The following DNAJC22 variants were observed in gnomAD, a reference collection of about 807,000 sequenced individuals.
The protein encoded by DNAJC22 is dnaJ homolog subfamily C member 22.
In DNAJC22, 24 loss-of-function variants were observed where a neutral mutation model predicts 22.2. That is an observed-to-expected ratio of 1.08 (90% confidence interval 0.78 to 1.52). DNAJC22 has a LOEUF of 1.52. Ranked by LOEUF, DNAJC22 falls within the 40% of genes most tolerant of loss-of-function variation. DNAJC22 has a pLI of 0.00. For synonymous variants in DNAJC22, 160 were observed against 167.4 expected (o/e 0.96, Z 0.34); for missense variants, 434 against 421.7 (o/e 1.03, Z -0.26).
Position 49,349,520 on chromosome 12 carries a change from C to G in DNAJC22, c.648C>G (p.Gly216=). 1 of 1,614,256 alleles carries G rather than the reference C, an allele frequency of 6.2e-7. No homozygotes were observed. The highest frequency in any genetic ancestry group is 1.1e-5 in the South Asian group (1 of 91,090). The change falls in exon 3 of 4, where the codon GGC becomes GGG. Residue 216 remains glycine, a synonymous_variant. Transcript: ENST00000549441. The stretch of plus-strand genomic sequence containing the variant: ...TCAGCTATGTGGCAGAAACCTTTGG[C>G]TCCTTCTTGAATTGGTTCAGCTTCT... ...ATLSYVAETF[G]SFLNWFSFFP...
At position 49,348,946 on chromosome 12, in the gene DNAJC22, T is replaced by C; in HGVS notation, c.74T>C (p.Leu25Pro). The C allele has an allele frequency of 6.6e-7, 1 of 1,526,504 alleles. No individual in the cohort carries two copies. The highest frequency in any genetic ancestry group is 8.8e-7 in the Non-Finnish European group (1 of 1,140,546). The allele number at this position is 1,526,504 out of a possible 1,614,324, so 94.6% of individuals were successfully genotyped here. Residue 25 changes from leucine (L) to proline (P), a missense_variant, in exon 3 of 4, where the codon CTG (leucine) becomes CCG (proline). By Grantham distance (98) the Leu-to-Pro change is moderately conservative. Coordinates refer to ENST00000549441, the MANE Select transcript of DNAJC22 (RefSeq NM_001304944.2). ...GGPAGLHHLY[L>P]GRDSHALLWM... ...CCTGCTGGGCTCCACCACCTGTACC[T>C]GGGAAGGGACAGCCACGCCCTGCTC...
rs750463544 is a variant in DNAJC22, at chr12:49,349,083, G to A, written c.211G>A (p.Gly71Arg). 5.6e-6 allele frequency: 9 copies of A among 1,614,086 alleles called. No homozygotes were observed. The highest frequency in any genetic ancestry group is 7.6e-6 in the Non-Finnish European group (9 of 1,179,996). ...CCAGGGACAGAGGCAGAGCCCCAGAGGGGTGACACCCCCTCTGAGTCCCAT... is the reference window on the plus strand; with the variant it reads ...CCAGGGACAGAGGCAGAGCCCCAGAAGGGTGACACCCCCTCTGAGTCCCAT... ...RAQGQRQSPR[G>R]VTPPLSPIRF... is the part of the protein sequence containing the mutation. Residue 71 changes from glycine to arginine, a missense_variant, in exon 3 of 4, where the codon GGG (glycine) becomes AGG (arginine). Transcript: ENST00000549441.
intron 2 of DNAJC22, among the ~76,000 whole-genome samples, 182 bp from the exon 3 acceptor site, chr12:49,348,581 TCTC>T (rs936096804): frequency 6.6e-6 from 1 of 152,042 alleles, no homozygotes; most frequent in Non-Finnish European, 1.5e-5. Context: ...TAAACAGCTT[TCTC>T]CTCTAAATCT....
intron 3 of DNAJC22, 97 bp downstream of exon 3, chr12:49,349,809 T>C (rs1943756702): frequency 6.4e-7 from 1 of 1,564,142 alleles, no homozygotes; most frequent in Non-Finnish European, 8.6e-7. Context: ...GGAAGGATAT[T>C]CTGGCTTCTT....
rs547322866 is a variant in DNAJC22 at position 49,352,972 on chromosome 12, T to A, written c.*1470T>A. On this transcript the variant is annotated 3_prime_UTR_variant, in exon 4 of 4. Transcript: ENST00000549441. ...ACAGGTACACAGATATCAAAGCCCT[T>A]GTTCAGTGTTTTGAACTAAATGTCA... is the stretch of plus-strand genomic sequence containing the variant. The A allele has an allele frequency of 4.6e-5, 7 of 152,360 alleles. No individual in the cohort carries two copies. Among genetic ancestry groups the A allele is most frequent in the Middle Eastern group, 6.8e-3 (2 of 294 alleles). The allele number at this position is 152,360 out of a possible 1,614,324, so 9.4% of individuals were successfully genotyped here. A position where few individuals can be genotyped will look rare whatever the true frequency, so the allele number is the denominator to read the frequency against.
chr12:49,351,340 A>G lies in DNAJC22; in HGVS notation c.864A>G (p.Ala288=). 1 of 1,613,764 alleles carries G rather than the reference A, an allele frequency of 6.2e-7. No homozygotes were observed. Among genetic ancestry groups the G allele is most frequent in the Non-Finnish European group, 8.5e-7 (1 of 1,179,810 alleles). Residue 288 remains alanine, a synonymous_variant, in exon 4 of 4, where the codon GCA becomes GCG. Coordinates refer to ENST00000549441, the MANE Select transcript of DNAJC22 (RefSeq NM_001304944.2). ...AGGTTTTGGGCCTCTCAGAAGGGGC[A>G]ACAAATGAAGAAATACATCGGAGTT... is the stretch of plus-strand genomic sequence containing the variant. ...AYQVLGLSEG[A]TNEEIHRSYQ... is the part of the protein sequence containing the mutation.
rs1246006584 is a variant in DNAJC22 at position 49,349,453 on chromosome 12, GC to G, written c.584del (p.Pro195HisfsTer25). ...GGCTTGGCTTACCTTGCTTTCACAG[GC>G]CCACTGGCATACAGTGCCCTCTGCA... ...RLGLAYLAFTGPLAYSALCNT... is the reference protein window; with the variant it reads ...RLGLAYLAFTXPLAYSALCNT... On this transcript the variant is annotated frameshift_variant, in exon 3 of 4. Coordinates refer to ENST00000549441, the MANE Select transcript of DNAJC22 (RefSeq NM_001304944.2). LOFTEE classifies it high-confidence loss of function. The G allele has an allele frequency of 6.2e-7, 1 of 1,613,946 alleles. No homozygotes were observed. Among genetic ancestry groups the G allele is most frequent in the Non-Finnish European group, 8.5e-7 (1 of 1,180,022 alleles).
Position 49,349,120 on chromosome 12 carries a change from C to A in DNAJC22, c.248C>A (p.Ala83Asp), listed in dbSNP as rs775381335. Residue 83 changes from alanine to aspartate, a missense_variant, in exon 3 of 4, where the codon GCC becomes GAC. Physicochemically the swap from Ala to Asp is moderately radical, Grantham distance 126. Transcript: ENST00000549441. ...TPPLSPIRFA[A>D]QVIVGIYFGL... Reference sequence around the variant, plus strand: ...CCTCTGAGTCCCATTCGCTTTGCTGCCCAGGTGATAGTTGGCATCTATTTT... The same window carrying A: ...CCTCTGAGTCCCATTCGCTTTGCTGACCAGGTGATAGTTGGCATCTATTTT... The A allele has an allele frequency of 1.2e-6, 2 of 1,614,174 alleles. No homozygotes were observed. Among genetic ancestry groups the A allele is most frequent in the Non-Finnish European group, 8.5e-7 (1 of 1,180,030 alleles).
intron 3 of DNAJC22, among the ~76,000 whole-genome samples, chr12:49,350,236 C>G (rs557517510): frequency 8.9e-4 from 135 of 151,846 alleles, no homozygotes; most frequent in African/African-American, 2.8e-3. Context: ...GCCACCACGC[C>G]CGGCTAATTT....
chr12:49,351,154 T>C lies in DNAJC22; in HGVS notation c.841-163T>C, dbSNP rs563434656. On this transcript the variant is annotated intron_variant, in intron 3 of 3. Coordinates refer to ENST00000549441, the MANE Select transcript of DNAJC22 (RefSeq NM_001304944.2). ...AATAATTTTTTTCTTTTATTATTAC[T>C]CTATAAGGCTGGAATTCTAACCTGA... 17 of 1,396,620 alleles carry C rather than the reference T, an allele frequency of 1.2e-5. No individual in the cohort carries two copies. In the Admixed American group the frequency reaches 1.4e-4, roughly 11 times the overall value. 86.5% of individuals were successfully genotyped at this position (1,396,620 alleles called of 1,614,324 possible).
At chr12:49,350,790 GC>G (rs1555175004) in intron 3 of DNAJC22, among the ~76,000 whole-genome samples, 1 of 152,110 alleles carries the variant, frequency 6.6e-6, no homozygotes, top group Admixed American at 6.5e-5. Flanking sequence ...GAGCCACCAC[GC>G]CCGACCATTA....
chr12:49,351,321 T>C lies in DNAJC22; in HGVS notation c.845T>C (p.Leu282Ser). The part of the protein sequence containing the change: ...DEKRQLAYQV[L>S]GLSEGATNEE... Reference sequence around the variant, plus strand: ...GTCATCTTCTGTTTCCATAAGGTTTTGGGCCTCTCAGAAGGGGCAACAAAT... The same window carrying C: ...GTCATCTTCTGTTTCCATAAGGTTTCGGGCCTCTCAGAAGGGGCAACAAAT... The change falls in exon 4 of 4, where the codon TTG (leucine) becomes TCG (serine). Residue 282 changes from leucine (L) to serine (S), a missense_variant. Leu to Ser is a moderately radical substitution (Grantham distance 145, BLOSUM62 -2). Transcript: ENST00000549441. 1 of 1,613,590 alleles carries C rather than the reference T, an allele frequency of 6.2e-7. No individual in the cohort carries two copies. The highest frequency in any genetic ancestry group is 1.3e-5 in the African/African-American group (1 of 74,986).
rs143438117 is a variant in DNAJC22 at position 49,347,862 on chromosome 12, G to T, written c.-351G>T. On this transcript the variant is annotated 5_prime_UTR_variant, in exon 2 of 4. Coordinates refer to ENST00000549441, the MANE Select transcript of DNAJC22 (RefSeq NM_001304944.2). ...CACCGGAGCTGCAGGCGTCTGCAGA[G>T]CCTTGCACCGAGTTTCCCCGCGAGG... 2 of 152,380 alleles carry T rather than the reference G, an allele frequency of 1.3e-5. No individual in the cohort carries two copies. Among genetic ancestry groups the T allele is most frequent in the Non-Finnish European group, 2.9e-5 (2 of 68,160 alleles). 9.4% of individuals were successfully genotyped at this position (152,380 alleles called of 1,614,324 possible).
chr12:49,348,306 A>G (rs74089062), intron 2 of DNAJC22, among the ~76,000 whole-genome samples: 20,128 of 152,180 alleles, frequency 0.13, 3,293 homozygotes, highest in African/African-American at 0.39. Context: ...AGTTTTCCAG[A>G]ATATTTTAAT....
rs1405037576 is a variant in DNAJC22 at position 49,347,539 on chromosome 12, C to G, written c.-582C>G. 3.3e-5 allele frequency: 5 copies of G among 152,320 alleles called. No homozygotes were observed. The highest frequency in any genetic ancestry group is 4.8e-5 in the African/African-American group (2 of 41,438). 9.4% of individuals were successfully genotyped at this position (152,320 alleles called of 1,614,324 possible). ...GGTCAACGGAGCGTGAAGAGAGGAG[C>G]GTGCAGCTTGAGGTGAGGGAGGAGT... is the stretch of plus-strand genomic sequence containing the variant. On this transcript the variant is annotated 5_prime_UTR_variant, in exon 1 of 4. Coordinates refer to ENST00000549441, the MANE Select transcript of DNAJC22 (RefSeq NM_001304944.2).
In DNAJC22 at chr12:49,352,779, G is replaced by C. The variant is rs568724825; in HGVS notation, c.*1277G>C. 1.1e-4 allele frequency: 16 copies of C among 152,264 alleles called. No homozygotes were observed. The highest frequency in any genetic ancestry group is 3.9e-4 in the African/African-American group (16 of 41,548). 9.4% of individuals were successfully genotyped at this position (152,264 alleles called of 1,614,324 possible). A position where few individuals can be genotyped will look rare whatever the true frequency, so the allele number is the denominator to read the frequency against. The stretch of plus-strand genomic sequence containing the variant: ...AAAAGGGAACAAGCTACTGTGGAGT[G>C]GGGGGTAGTTCTTCCTCCTCTGCTT... On this transcript the variant is annotated 3_prime_UTR_variant, in exon 4 of 4. Transcript: ENST00000549441.
intron 3 of DNAJC22, among the ~76,000 whole-genome samples, chr12:49,350,388 T>C (rs1315962200): frequency 6.6e-6 from 1 of 152,026 alleles, no homozygotes; most frequent in African/African-American, 2.4e-5. Flanking sequence ...GGTTTGCTCA[T>C]TCTTGAGCTC....
rs887125122 is a variant in DNAJC22 at position 49,348,107 on chromosome 12, T to A, written c.-108+2T>A. On this transcript the variant is annotated splice_donor_variant, in intron 2 of 3. Transcript: ENST00000549441. LOFTEE classifies it low-confidence loss of function (5UTR_SPLICE). ...TCGGTCTGGGAGCGGGGCACCCAGG[T>A]ATGGCCACTTGATTTGGAAGTAGCG... 2 of 152,256 alleles carry A rather than the reference T, an allele frequency of 1.3e-5. No homozygotes were observed. The highest frequency in any genetic ancestry group is 4.8e-5 in the African/African-American group (2 of 41,454). The allele number at this position is 152,256 out of a possible 1,614,324, so 9.4% of individuals were successfully genotyped here.
In DNAJC22 at chr12:49,348,926, T is replaced by TGGG; in HGVS notation, c.55_57dup (p.Gly19dup). On this transcript the variant is annotated inframe_insertion, in exon 3 of 4. Coordinates refer to ENST00000549441, the MANE Select transcript of DNAJC22 (RefSeq NM_001304944.2). Reference sequence around the variant, plus strand: ...CCCTCTGGGCTGTGGGGGGCCCTGCTGGGCTCCACCACCTGTACCTGGGAA... The same window carrying TGGG: ...CCCTCTGGGCTGTGGGGGGCCCTGCTGGGGGGCTCCACCACCTGTACCTGGGAA... 5.3e-6 allele frequency: 8 copies of TGGG among 1,521,880 alleles called. No homozygotes were observed. The highest frequency in any genetic ancestry group is 7.0e-6 in the Non-Finnish European group (8 of 1,138,058). The allele number at this position is 1,521,880 out of a possible 1,614,324, so 94.3% of individuals were successfully genotyped here. A position where few individuals can be genotyped will look rare whatever the true frequency, so the allele number is the denominator to read the frequency against.
Sources: gnomAD v4.1 joint callset for allele counts (sites outside exome capture counted in the v4.1 genomes callset) on GRCh38, gnomAD v4.1.1 for gene constraint, MANE v1.5 for transcripts, NCBI Gene and HGNC (gene_info 2026-07-23, HGNC 2026-07-21) for gene names.